Variants in CCDC34 observed in about 807,000 individuals in gnomAD.
The protein encoded by CCDC34 is coiled-coil domain containing 34, also known as coiled-coil domain-containing protein 34.
Under a neutral mutation model 44.1 loss-of-function variants are expected in CCDC34, and 40 were observed. The observed-to-expected ratio is 0.91, with a 90% CI of 0.70 to 1.18. CCDC34 has a LOEUF of 1.18. Ranked by LOEUF, CCDC34 falls within the 50% of genes most tolerant of loss-of-function variation. CCDC34 has a pLI of 0.00. For missense variants in CCDC34, 466 were observed against 452.3 expected (o/e 1.03, Z -0.28); for synonymous variants, 159 against 158.2 (o/e 1.01, Z -0.04).
Position 27,345,554 on chromosome 11 carries a change from C to T in CCDC34, c.607-4004G>A, listed in dbSNP as rs147262637. 1.9e-3 allele frequency among the ~76,000 whole-genome samples: 291 copies of T among 152,136 alleles called. 2 individuals carry two copies. Among genetic ancestry groups the T allele is most frequent in the African/African-American group, 6.6e-3 (274 of 41,506 alleles). ...TGCGATGTTTGGTTTTTTGTCCTTGCGACAGTTTGCTGAGAATGATGGTTT... is the reference window on the plus strand; with the variant it reads ...TGCGATGTTTGGTTTTTTGTCCTTGTGACAGTTTGCTGAGAATGATGGTTT... On this transcript the variant is annotated intron_variant, in intron 3 of 5. Transcript: ENST00000328697.
intron 3 of CCDC34, among the ~76,000 whole-genome samples, chr11:27,347,231 A>T (rs1241538066): frequency 9.2e-5 from 14 of 152,210 alleles, no homozygotes; most frequent in Admixed American, 9.2e-4. Flanking sequence ...AAAGATGTGG[A>T]GCAACTGGAA....
intron 2 of CCDC34, among the ~76,000 whole-genome samples, chr11:27,355,646 G>A (rs1470142427): frequency 6.6e-6 from 1 of 152,066 alleles, no homozygotes; most frequent in Admixed American, 6.5e-5. Flanking sequence ...AAGCAGACGA[G>A]AAAATAGAAA....
At chr11:27,345,157 C>CTAA (rs755144606) in intron 3 of CCDC34, among the ~76,000 whole-genome samples, 12 of 152,048 alleles carry the variant, frequency 7.9e-5, no homozygotes, top group Non-Finnish European at 1.5e-4. Flanking sequence ...GAATCTTGAC[C>CTAA]GTTAATGCAT....
intron 3 of CCDC34, among the ~76,000 whole-genome samples, chr11:27,344,029 T>G (rs1862399857): frequency 6.6e-6 from 1 of 152,156 alleles, no homozygotes; most frequent in Non-Finnish European, 1.5e-5. Flanking sequence ...AATCCTCTAC[T>G]TATAAAAACA....
At chr11:27,357,359 T>C (rs1862593076) in intron 2 of CCDC34, 44 bp downstream of exon 2, 2 of 1,568,042 alleles carry the variant, frequency 1.3e-6, no homozygotes, top group East Asian at 2.3e-5. Context: ...AGCTCTACTT[T>C]GTGAGCTCAC....
At position 27,341,550 on chromosome 11, in the gene CCDC34, T is replaced by C. The variant is rs1862359674; in HGVS notation, c.607A>G (p.Lys203Glu). The change falls in exon 4 of 6, where the codon AAA (lysine) becomes GAA (glutamate). Residue 203 changes from lysine (K) to glutamate (E), a missense_variant and splice_region_variant. By Grantham distance (56) the Lys-to-Glu change is moderately conservative (BLOSUM62 1). Coordinates refer to ENST00000328697, the MANE Select transcript of CCDC34 (RefSeq NM_030771.2). ...ATTTTTTGTTCTCTTTCTTTTCTTT[T>C]CTTAAATAAAAATAGATAAAGTTTA... ...KEWVQKKNEQ[K>E]RKEREQKINK... 1.6e-6 allele frequency: 2 copies of C among 1,229,462 alleles called. No homozygotes were observed. The highest frequency in any genetic ancestry group is 2.2e-6 in the Non-Finnish European group (2 of 907,590). 76.2% of individuals were successfully genotyped at this position (1,229,462 alleles called of 1,614,324 possible).
At chr11:27,357,624 C>G (rs1041119536) in intron 1 of CCDC34, 83 bp from the exon 2 acceptor site, 1 of 1,232,672 alleles carries the variant, frequency 8.1e-7, no homozygotes. Flanking sequence ...ACAGTAAAAG[C>G]AAAACTTAAT....
At chr11:27,352,780 G>C (rs976260011) in intron 2 of CCDC34, among the ~76,000 whole-genome samples, 13 of 152,144 alleles carry the variant, frequency 8.5e-5, no homozygotes, top group African/African-American at 3.1e-4. Flanking sequence ...GTTGATTGAA[G>C]GGTTAAAGAA....
At chr11:27,345,367 G>A (rs1862417383) in intron 3 of CCDC34, among the ~76,000 whole-genome samples, 2 of 152,054 alleles carry the variant, frequency 1.3e-5, no homozygotes, top group Admixed American at 6.6e-5. Flanking sequence ...CATGTGCCAT[G>A]TTGGTGTGCT....
In CCDC34 at chr11:27,362,738, C is replaced by T. The variant is rs1427297607; in HGVS notation, c.359+98G>A. 25 of 1,411,536 alleles carry T rather than the reference C, an allele frequency of 1.8e-5. No individual in the cohort carries two copies. The East Asian group carries it at 5.6e-4, about 31-fold the overall frequency. The allele number at this position is 1,411,536 out of a possible 1,614,324, so 87.4% of individuals were successfully genotyped here. A position where few individuals can be genotyped will look rare whatever the true frequency, so the allele number is the denominator to read the frequency against. ...CTCAGTCTGCAAGTGCCTGCTCTGCCTTTGGGGCGGAGGGCAGGAGGATGT... is the reference window on the plus strand; with the variant it reads ...CTCAGTCTGCAAGTGCCTGCTCTGCTTTTGGGGCGGAGGGCAGGAGGATGT... On this transcript the variant is annotated intron_variant, in intron 1 of 5. Transcript: ENST00000328697.
At chr11:27,353,342 A>G (rs1333372746) in intron 2 of CCDC34, among the ~76,000 whole-genome samples, 4 of 151,950 alleles carry the variant, frequency 2.6e-5, no homozygotes, top group African/African-American at 9.7e-5. Context: ...AGAAGGCACC[A>G]GGACTACTCA....
At chr11:27,344,400 A>G (rs755721414) in intron 3 of CCDC34, among the ~76,000 whole-genome samples, 1 of 152,134 alleles carries the variant, frequency 6.6e-6, no homozygotes, top group Non-Finnish European at 1.5e-5. Context: ...GCTGCATGTT[A>G]CAAACATGTA....
Position 27,341,443 on chromosome 11 carries a change from T to A in CCDC34, c.714A>T (p.Glu238Asp). The change falls in exon 4 of 6, where the codon GAA (glutamate) becomes GAT (aspartate). Residue 238 changes from glutamate (E) to aspartate (D), a missense_variant. Physicochemically the swap from Glu to Asp is conservative, Grantham distance 45 (BLOSUM62 2). Coordinates refer to ENST00000328697, the MANE Select transcript of CCDC34 (RefSeq NM_030771.2). ...LQEKAKEKYQEWLKKKNAEEC... is the reference protein window; with the variant it reads ...LQEKAKEKYQDWLKKKNAEEC... ...CTTCAGCATTTTTTTTCTTTAACCATTCTTGATATTTTTCTTTTGCTTTTT... is the reference window on the plus strand; with the variant it reads ...CTTCAGCATTTTTTTTCTTTAACCAATCTTGATATTTTTCTTTTGCTTTTT... 6.8e-7 allele frequency: 1 copy of A among 1,464,110 alleles called. No individual in the cohort carries two copies. Among genetic ancestry groups the A allele is most frequent in the Non-Finnish European group, 9.2e-7 (1 of 1,082,488 alleles). 90.7% of individuals were successfully genotyped at this position (1,464,110 alleles called of 1,614,324 possible).
chr11:27,342,858 T>G (rs1862380946), intron 3 of CCDC34, among the ~76,000 whole-genome samples: 1 of 152,194 alleles, frequency 6.6e-6, no homozygotes. Flanking sequence ...AAATTCTAAA[T>G]AACCAATGAC....
chr11:27,352,328 A>G (rs988139431), intron 2 of CCDC34, among the ~76,000 whole-genome samples: 1 of 151,886 alleles, frequency 6.6e-6, no homozygotes, highest in African/African-American at 2.4e-5. Flanking sequence ...GGTTTCAGTG[A>G]GCTGAAATCA....
Position 27,341,533 on chromosome 11 carries a change from TTC to T in CCDC34, c.622_623del (p.Glu208ThrfsTer4), listed in dbSNP as rs1405223538. 30 of 1,308,634 alleles carry T rather than the reference TTC, an allele frequency of 2.3e-5. No individual in the cohort carries two copies. The East Asian group carries it at 3.7e-4, about 16-fold the overall frequency. The allele number at this position is 1,308,634 out of a possible 1,614,324, so 81.1% of individuals were successfully genotyped here. Reference sequence around the variant, plus strand: ...CCTCCATTTCTTTATTAATTTTTTGTTCTCTTTCTTTTCTTTTCTTAAATAAA... The same window carrying T: ...CCTCCATTTCTTTATTAATTTTTTGTTCTTTCTTTTCTTTTCTTAAATAAA... Reference protein sequence around the residue: ...KKNEQKRKEREQKINKEMEEK... With the variant: ...KKNEQKRKERXQKINKEMEEK... On this transcript the variant is annotated frameshift_variant, in exon 4 of 6. Coordinates refer to ENST00000328697, the MANE Select transcript of CCDC34 (RefSeq NM_030771.2). LOFTEE classifies it high-confidence loss of function.
chr11:27,361,564 G>A (rs1862664973), intron 1 of CCDC34, among the ~76,000 whole-genome samples: 1 of 152,156 alleles, frequency 6.6e-6, no homozygotes, highest in Non-Finnish European at 1.5e-5. Context: ...ATCAGAGGAG[G>A]CCTGTTTCTT....
In CCDC34 at chr11:27,338,713, T is replaced by C; in HGVS notation, c.*108A>G. The C allele has an allele frequency of 2.2e-6, 2 of 896,736 alleles. No individual in the cohort carries two copies. The highest frequency in any genetic ancestry group is 1.6e-5 in the South Asian group (1 of 62,678). The allele number at this position is 896,736 out of a possible 1,614,324, so 55.5% of individuals were successfully genotyped here. A position where few individuals can be genotyped will look rare whatever the true frequency, so the allele number is the denominator to read the frequency against. On this transcript the variant is annotated 3_prime_UTR_variant, in exon 6 of 6. Coordinates refer to ENST00000328697, the MANE Select transcript of CCDC34 (RefSeq NM_030771.2). The stretch of plus-strand genomic sequence containing the variant: ...CATATACAAATGCAAAAATTGCTAT[T>C]TGTCAATAATCACATTAAGTGTTGA...
chr11:27,349,060 TA>T, intron 3 of CCDC34: 1 of 985,238 alleles, frequency 1.0e-6, no homozygotes. Flanking sequence ...AGAAGTATCT[TA>T]CATTCCTAGA....
Sources: allele counts gnomAD v4.1 joint callset (sites outside exome capture counted in the v4.1 genomes callset), GRCh38; gene constraint gnomAD v4.1.1; transcripts MANE v1.5; gene names NCBI Gene and HGNC (gene_info 2026-07-23, HGNC 2026-07-21).